The following SLC35D1 variants were observed in gnomAD, a reference collection of about 807,000 sequenced individuals.
SLC35D1 encodes the protein solute carrier family 35 member D1, also known as nucleotide sugar transporter SLC35D1.
A neutral mutation model predicts 46.7 loss-of-function variants in SLC35D1; 31 were observed. The ratio of observed to expected loss-of-function variants is 0.66; its 90% confidence interval spans 0.50 to 0.90. The LOEUF is 0.90. Among genes scored for constraint, SLC35D1 ranks in the 40% least tolerant of loss-of-function variants. The pLI, the probability that SLC35D1 is intolerant of heterozygous loss-of-function variation, is 0.00. For missense variants in SLC35D1, 397 were observed against 426.2 expected, an observed-to-expected ratio of 0.93 and a Z score of 0.60; for synonymous variants, 195 against 164.6, an observed-to-expected ratio of 1.18 and a Z score of -1.41.
chr1:66,978,413 A>G, the SLC35D1 span, among the ~76,000 whole-genome samples: 21 of 152,158 alleles, frequency 1.4e-4, no homozygotes, highest in African/African-American at 4.6e-4. Flanking sequence ...TGGAGTGTGT[A>G]CATCATCCCC....
the SLC35D1 span, among the ~76,000 whole-genome samples, chr1:66,981,182 A>G: frequency 6.6e-6 from 1 of 152,190 alleles, no homozygotes. Flanking sequence ...TCACTTAACC[A>G]CAGTTACGTA....
At chr1:66,993,627 G>A in the SLC35D1 span, among the ~76,000 whole-genome samples, 2 of 152,092 alleles carry the variant, frequency 1.3e-5, no homozygotes, top group African/African-American at 4.8e-5. Context: ...TTTACAGAAA[G>A]GCAAATTTAT....
chr1:66,985,146 C>T, the SLC35D1 span: 1 of 1,072,554 alleles, frequency 9.3e-7, no homozygotes, highest in Non-Finnish European at 1.1e-6. Context: ...ATATCTCTAC[C>T]TTCTCATTTG....
chr1:67,037,211 A>G (rs1181477325), intron 8 of SLC35D1, among the ~76,000 whole-genome samples: 2 of 152,078 alleles, frequency 1.3e-5, no homozygotes, highest in Non-Finnish European at 2.9e-5. Context: ...TTATATGTAA[A>G]ATAAGAGTAG....
intron 7 of SLC35D1, among the ~76,000 whole-genome samples, chr1:67,046,365 T>A (rs1390243906): frequency 6.6e-6 from 1 of 152,118 alleles, no homozygotes; most frequent in Admixed American, 6.5e-5. Flanking sequence ...TTCAGAAACA[T>A]TCTACACATA....
At chr1:66,983,831 G>T in the SLC35D1 span, among the ~76,000 whole-genome samples, 1 of 152,162 alleles carries the variant, frequency 6.6e-6, no homozygotes, top group Non-Finnish European at 1.5e-5. Context: ...GGGTTCAAGT[G>T]ATTCTGCTGC....
chr1:67,010,807 T>C (rs1667550546), intron 10 of SLC35D1, among the ~76,000 whole-genome samples: 1 of 152,200 alleles, frequency 6.6e-6, no homozygotes, highest in Non-Finnish European at 1.5e-5. Context: ...CCCAAATATA[T>C]TTCTTTAACA....
chr1:67,052,933 T>C lies in SLC35D1; in HGVS notation c.237+23A>G, dbSNP rs181562319. ...AGAAGTTCTAACAACATAAACCACG[T>C]AATGGTGAGGATTCCAACTAACCTG... On this transcript the variant is annotated intron_variant, in intron 2 of 11. Transcript: ENST00000235345. The C allele has an allele frequency of 3.7e-6, 6 of 1,613,972 alleles. No homozygotes were observed. The East Asian group carries it at 1.3e-4, about 36-fold the overall frequency.
chr1:67,039,493 T>TGTGTGTGTGTG (rs1668194863), intron 8 of SLC35D1, among the ~76,000 whole-genome samples: 1 of 148,666 alleles, frequency 6.7e-6, no homozygotes, highest in Admixed American at 6.7e-5. Context: ...AGTGAAAAAA[T>TGTGTGTGTGTG]TGTGTGTGTG....
At chr1:67,043,303 C>A (rs1169412562) in intron 7 of SLC35D1, among the ~76,000 whole-genome samples, 1 of 151,924 alleles carries the variant, frequency 6.6e-6, no homozygotes, top group Non-Finnish European at 1.5e-5. Context: ...GAGTTCAAGG[C>A]TGCAGTGAGC....
chr1:67,044,927 C>T (rs1349672342), intron 7 of SLC35D1, among the ~76,000 whole-genome samples: 1 of 152,150 alleles, frequency 6.6e-6, no homozygotes, highest in East Asian at 1.9e-4. Context: ...AAAAGCACCT[C>T]AGCATGGCCG....
chr1:66,987,000 G>A, the SLC35D1 span: 6 of 151,088 alleles, frequency 4.0e-5, no homozygotes, highest in Admixed American at 4.0e-4. Flanking sequence ...GCAGGTTTGT[G>A]AAGTTCTTGC....
downstream of SLC35D1, among the ~76,000 whole-genome samples, chr1:66,996,482 G>A (rs1230899061): frequency 6.6e-6 from 1 of 152,198 alleles, no homozygotes; most frequent in Non-Finnish European, 1.5e-5. Context: ...GACTGATGGG[G>A]GTTTGAATGC....
chr1:67,008,427 A>G (rs1308803677), intron 11 of SLC35D1: 1 of 1,288,706 alleles, frequency 7.8e-7, no homozygotes, highest in Non-Finnish European at 1.0e-6. Flanking sequence ...TAACTCACAG[A>G]GACCTCTGTG....
chr1:66,976,796 A>G, the SLC35D1 span: 1 of 1,263,538 alleles, frequency 7.9e-7, no homozygotes. Flanking sequence ...TGAGTTAATT[A>G]TTATTTTGAT....
the SLC35D1 span, among the ~76,000 whole-genome samples, chr1:66,993,043 CT>C: frequency 6.6e-6 from 1 of 152,290 alleles, no homozygotes; most frequent in Admixed American, 6.5e-5. Context: ...TAAGTCAGGT[CT>C]TTGTGTTTAG....
chr1:67,033,456 G>T (rs1668058700), intron 8 of SLC35D1, among the ~76,000 whole-genome samples: 1 of 151,918 alleles, frequency 6.6e-6, no homozygotes, highest in Non-Finnish European at 1.5e-5. Context: ...TTGTAGTTTT[G>T]GTTTGCATTT....
downstream of SLC35D1, among the ~76,000 whole-genome samples, chr1:66,997,659 A>G (rs1667256876): frequency 7.1e-6 from 1 of 140,392 alleles, no homozygotes; most frequent in Admixed American, 7.2e-5. Flanking sequence ...TTAAATATGT[A>G]TTTACAACAT....
At chr1:67,015,901 A>G (rs1393652055) in intron 10 of SLC35D1, among the ~76,000 whole-genome samples, 2 of 152,148 alleles carry the variant, frequency 1.3e-5, no homozygotes, top group Non-Finnish European at 2.9e-5. Flanking sequence ...TTGACTAATG[A>G]TATCTTTTAG....
Sources: gnomAD v4.1 joint callset for allele counts (sites outside exome capture counted in the v4.1 genomes callset) on GRCh38, gnomAD v4.1.1 for gene constraint, MANE v1.5 for transcripts, NCBI Gene and HGNC (gene_info 2026-07-23, HGNC 2026-07-21) for gene names.